Variants in DNAJC9 observed in about 807,000 individuals in gnomAD.
DNAJC9 encodes the protein DnaJ heat shock protein family (Hsp40) member C9, also known as dnaJ homolog subfamily C member 9.
A neutral mutation model predicts 32.4 loss-of-function variants in DNAJC9; 18 were observed. The ratio of observed to expected loss-of-function variants is 0.56; its 90% CI spans 0.38 to 0.82. The LOEUF is 0.82. DNAJC9 is among the 40% of genes least tolerant of loss of function. The pLI is 0.00. For synonymous variants in DNAJC9, 113 were observed against 122.1 expected (o/e 0.93, Z 0.49); for missense variants, 310 against 321.8 (o/e 0.96, Z 0.28).
At chr10:73,235,573 C>G (rs1451813789), downstream of DNAJC9, 1 of 665,596 alleles carries the variant, frequency 1.5e-6, no homozygotes, top group African/African-American at 1.8e-5. Context: ...TGACCACAAG[C>G]AAGAATATTA....
downstream of DNAJC9, among the ~76,000 whole-genome samples, chr10:73,235,847 T>C (rs1356706680): frequency 6.6e-6 from 1 of 152,166 alleles, no homozygotes; most frequent in African/African-American, 2.4e-5. Context: ...ACTTTTTCTT[T>C]CTACTGGTGT....
intron 2 of DNAJC9, among the ~76,000 whole-genome samples, 158 bp downstream of exon 2, chr10:73,246,530 G>GT (rs1262676219): frequency 6.6e-6 from 1 of 152,118 alleles, no homozygotes; most frequent in Non-Finnish European, 1.5e-5. Flanking sequence ...TTTAAAGCCC[G>GT]TTTCAGTAAG....
At chr10:73,237,041 CTG>C (rs2043838481), downstream of DNAJC9, among the ~76,000 whole-genome samples, 1 of 152,142 alleles carries the variant, frequency 6.6e-6, no homozygotes, top group South Asian at 2.1e-4. Context: ...GCTTTCCTCC[CTG>C]TGTGTCTGTG....
chr10:73,235,555 G>C (rs2043802665), downstream of DNAJC9: 1 of 850,848 alleles, frequency 1.2e-6, no homozygotes, highest in Non-Finnish European at 1.7e-6. Context: ...TAACACTTAA[G>C]ATATGTCTGA....
At chr10:73,246,273 C>G (rs2044006683) in intron 2 of DNAJC9, 97 bp from the exon 3 acceptor site, 2 of 1,320,312 alleles carry the variant, frequency 1.5e-6, no homozygotes, top group South Asian at 2.7e-5. Context: ...TGCTGCAATA[C>G]AACAGTTGCT....
chr10:73,239,459 A>C, downstream of DNAJC9: 1 of 1,046,770 alleles, frequency 9.6e-7, no homozygotes, highest in Non-Finnish European at 1.4e-6. Flanking sequence ...TTTTTCCTAC[A>C]CCTATTTCCC....
downstream of DNAJC9, among the ~76,000 whole-genome samples, chr10:73,237,129 A>C (rs965175976): frequency 1.3e-5 from 2 of 152,154 alleles, no homozygotes; most frequent in Non-Finnish European, 2.9e-5. Context: ...ACTTTACCTT[A>C]ACTTGATTTA....
At chr10:73,239,989 ATCAT>A (rs2043905402), downstream of DNAJC9, among the ~76,000 whole-genome samples, 5 of 152,212 alleles carry the variant, frequency 3.3e-5, no homozygotes, top group Non-Finnish European at 7.3e-5. Context: ...CAGTGGCATG[ATCAT>A]GGCTCACTGT....
downstream of DNAJC9, among the ~76,000 whole-genome samples, chr10:73,237,462 G>C (rs1390439530): frequency 6.6e-6 from 1 of 151,944 alleles, no homozygotes; most frequent in African/African-American, 2.4e-5. Flanking sequence ...TGTCGCCCAG[G>C]CTAGAGTGCT....
At chr10:73,235,458 A>C, downstream of DNAJC9, 1 of 1,447,290 alleles carries the variant, frequency 6.9e-7, no homozygotes. Context: ...AAAAAGTGTT[A>C]TAAATACATT....
intron 4 of DNAJC9, 93 bp from the exon 5 acceptor site, chr10:73,243,612 A>T: frequency 6.7e-7 from 1 of 1,497,558 alleles, no homozygotes; most frequent in Non-Finnish European, 9.1e-7. Flanking sequence ...TGGAATAACT[A>T]CTAATGGGTA....
Position 73,243,220 on chromosome 10 carries a change from T to G in DNAJC9, c.*180A>C, listed in dbSNP as rs2043973710. The G allele has an allele frequency of 4.7e-6, 3 of 641,814 alleles. No homozygotes were observed. The highest frequency in any genetic ancestry group is 7.9e-6 in the Non-Finnish European group (3 of 380,110). 39.8% of individuals were successfully genotyped at this position (641,814 alleles called of 1,614,324 possible). A position where few individuals can be genotyped will look rare whatever the true frequency, so the allele number is the denominator to read the frequency against. On this transcript the variant is annotated 3_prime_UTR_variant, in exon 5 of 5. Transcript: ENST00000372950. ...GAGACCTCACACAATGTCAAGTGCT[T>G]TCTAGGAAATACTAAGATCAGGTTG... is the stretch of plus-strand genomic sequence containing the variant.
chr10:73,246,089 A>G lies in DNAJC9; in HGVS notation c.409T>C (p.Phe137Leu). 6.2e-7 allele frequency: 1 copy of G among 1,613,940 alleles called. No individual in the cohort carries two copies. The highest frequency in any genetic ancestry group is 8.5e-7 in the Non-Finnish European group (1 of 1,179,940). ...ATGATCTGATCCATGTCACCCTTGA[A>G]GTCCAGATAGGCCTGCTTAATATCA... The part of the protein sequence containing the change: ...LADIKQAYLD[F>L]KGDMDQIMES... Residue 137 changes from phenylalanine to leucine, a missense_variant, in exon 3 of 5, where the codon TTC becomes CTC. Coordinates refer to ENST00000372950, the MANE Select transcript of DNAJC9 (RefSeq NM_015190.5).
intron 2 of DNAJC9, among the ~76,000 whole-genome samples, chr10:73,232,496 C>A (rs947546634): frequency 6.6e-6 from 1 of 152,238 alleles, no homozygotes; most frequent in African/African-American, 2.4e-5. Context: ...GGTGCCACAA[C>A]TGCTCCCAAG....
chr10:73,233,336 A>G, intron 2 of DNAJC9: 1 of 579,490 alleles, frequency 1.7e-6, no homozygotes, highest in South Asian at 2.1e-5. Flanking sequence ...ATGTGGTTAA[A>G]TTTTATTTTA....
rs572474762 is a variant in DNAJC9, at chr10:73,247,251, G to T, written c.-62C>A. 6.5e-7 allele frequency: 1 copy of T among 1,544,066 alleles called. No individual in the cohort carries two copies. The highest frequency in any genetic ancestry group is 1.2e-5 in the South Asian group (1 of 84,214). ...TCCCAGCTGCGCCGGGTACAACCCA[G>T]GACTGCTTCTTTTTCGCGCCCAAAA... On this transcript the variant is annotated 5_prime_UTR_variant, in exon 1 of 5. It adds an upstream start codon to the 5' untranslated region. Transcript: ENST00000372950.
At chr10:73,243,967 G>C in intron 3 of DNAJC9, 38 bp from the exon 4 acceptor site, 1 of 1,551,636 alleles carries the variant, frequency 6.4e-7, no homozygotes. Context: ...GGGCCACCAG[G>C]AAATGCTTAA....
At chr10:73,233,791 C>T (rs756746513), downstream of DNAJC9, among the ~76,000 whole-genome samples, 18 of 152,172 alleles carry the variant, frequency 1.2e-4, no homozygotes, top group Non-Finnish European at 2.4e-4. Context: ...CAAACATTTT[C>T]CGTGCTGGGA....
downstream of DNAJC9, chr10:73,234,771 T>C: frequency 6.5e-7 from 1 of 1,545,262 alleles, no homozygotes; most frequent in Non-Finnish European, 8.7e-7. Context: ...GGTATTGTTA[T>C]AACTTCATGC....
Sources: gnomAD v4.1 joint callset for allele counts (sites outside exome capture counted in the v4.1 genomes callset) on GRCh38, gnomAD v4.1.1 for gene constraint, MANE v1.5 for transcripts, NCBI Gene and HGNC (gene_info 2026-07-23, HGNC 2026-07-21) for gene names.